Variants in SLC2A9 observed in about 807,000 individuals in gnomAD.
SLC2A9 encodes the protein solute carrier family 2, facilitated glucose transporter member 9.
In SLC2A9, 39 loss-of-function variants were observed where a neutral mutation model predicts 50.6. The observed-to-expected ratio is 0.77, with a 90% confidence interval of 0.60 to 1.01. The LOEUF is 1.01. SLC2A9 is among the 50% of genes least tolerant of loss of function. SLC2A9 has a pLI of 0.00. For synonymous variants in SLC2A9, 324 were observed against 276.9 expected (o/e 1.17, Z -1.69); for missense variants, 686 against 677.6 (o/e 1.01, Z -0.14).
Position 9,987,068 on chromosome 4 carries a change from C to T in SLC2A9, c.411-1275G>A, listed in dbSNP as rs114149118. Among the ~76,000 whole-genome samples the T allele has an allele frequency of 3.6e-3, 552 of 152,272 alleles. 5 individuals are homozygous for T. The highest frequency in any genetic ancestry group is 0.012 in the African/African-American group (497 of 41,562). ...AAAGAGATAGGTACTCTTATAATCTCTATTTTATAAACAAGTTAACTAGGT... is the reference window on the plus strand; with the variant it reads ...AAAGAGATAGGTACTCTTATAATCTTTATTTTATAAACAAGTTAACTAGGT... On this transcript the variant is annotated intron_variant, in intron 3 of 11. Transcript: ENST00000264784.
chr4:9,927,444 T>C (rs1745112432), intron 6 of SLC2A9, among the ~76,000 whole-genome samples: 1 of 152,194 alleles, frequency 6.6e-6, no homozygotes, highest in South Asian at 2.1e-4. Context: ...TTCCCTCTTG[T>C]GATCGGGGGC....
Position 9,810,301 on chromosome 4 carries a change from T to C in SLC2A9, n.421-11060A>G, listed in dbSNP as rs187799332. Among the ~76,000 whole-genome samples the C allele has an allele frequency of 2.0e-5, 3 of 152,280 alleles. No homozygotes were observed. In the East Asian group the frequency reaches 5.8e-4, roughly 29 times the overall value. ...TGGTGAAGAGCCTCTTTCTGCTTTA[T>C]GGTTGCCAGCTGTGACTGTGGGCAA... On this transcript the variant is annotated intron_variant and non_coding_transcript_variant, in intron 3 of 3. Coordinates refer to the SLC2A9 transcript ENST00000503280.
intron 5 of SLC2A9, among the ~76,000 whole-genome samples, chr4:9,946,654 A>G (rs1749220050): frequency 6.6e-6 from 1 of 152,198 alleles, no homozygotes; most frequent in African/African-American, 2.4e-5. Flanking sequence ...CTCTTATTCT[A>G]ATAATGGCTT....
At chr4:9,846,255 G>A (rs545215519) in intron 10 of SLC2A9, among the ~76,000 whole-genome samples, 1 of 152,314 alleles carries the variant, frequency 6.6e-6, no homozygotes, top group African/African-American at 2.4e-5. Flanking sequence ...CATGACAACA[G>A]CCAAGATATA....
chr4:9,838,918 A>C (rs1358801882), intron 10 of SLC2A9, among the ~76,000 whole-genome samples: 2 of 152,228 alleles, frequency 1.3e-5, no homozygotes, highest in African/African-American at 4.8e-5. Flanking sequence ...CAACCTAGGC[A>C]ATACCATTCG....
At chr4:9,859,547 G>C (rs1024335687) in intron 10 of SLC2A9, among the ~76,000 whole-genome samples, 1 of 152,254 alleles carries the variant, frequency 6.6e-6, no homozygotes, top group Non-Finnish European at 1.5e-5. Context: ...GGCCAAGTGA[G>C]GGAGCATAGA....
At chr4:9,955,208 G>GTCAAAGTTCAAACCGTGCACTTGATCTC (rs1260621382) in intron 5 of SLC2A9, among the ~76,000 whole-genome samples, 2 of 111,376 alleles carry the variant, frequency 1.8e-5, no homozygotes, top group Non-Finnish European at 1.8e-5. Context: ...AAAACTCCAA[G>GTCAAAGTTCAAACCGTGCACTTGATCTC]TCGGCCGGGC....
chr4:10,025,155 T>TTA (rs1763708941), upstream of SLC2A9, among the ~76,000 whole-genome samples: 1 of 150,966 alleles, frequency 6.6e-6, no homozygotes, highest in Non-Finnish European at 1.5e-5. Context: ...TACAGGTTTA[T>TTA]TATAAATACA....
At chr4:10,032,439 C>G (rs1230082800) in intron 1 of SLC2A9, among the ~76,000 whole-genome samples, 1 of 151,908 alleles carries the variant, frequency 6.6e-6, no homozygotes, top group Non-Finnish European at 1.5e-5. Flanking sequence ...AGCCTAAGAG[C>G]CATGGGAAAT....
Position 9,952,483 on chromosome 4 carries a change from G to A in SLC2A9, c.682-10438C>T, listed in dbSNP as rs191252509. On this transcript the variant is annotated intron_variant, in intron 5 of 11. Transcript: ENST00000264784. Reference sequence around the variant, plus strand: ...ATGCATGTACAGTCTGCAGAACCATGAGCCAATTAAACCTCTTTTCTTTAT... The same window carrying A: ...ATGCATGTACAGTCTGCAGAACCATAAGCCAATTAAACCTCTTTTCTTTAT... 3.9e-5 allele frequency among the ~76,000 whole-genome samples: 6 copies of A among 151,982 alleles called. No homozygotes were observed. The East Asian group carries it at 1.2e-3, about 29-fold the overall frequency.
At chr4:9,833,687 G>T (rs1335014048) in intron 11 of SLC2A9, among the ~76,000 whole-genome samples, 1 of 152,210 alleles carries the variant, frequency 6.6e-6, no homozygotes, top group African/African-American at 2.4e-5. Context: ...AGAATCTCTG[G>T]GATGTGTTGG....
intron 5 of SLC2A9, among the ~76,000 whole-genome samples, chr4:9,968,035 G>C (rs1560405270): frequency 6.6e-6 from 1 of 152,094 alleles, no homozygotes; most frequent in Non-Finnish European, 1.5e-5. Context: ...TTATGTTAAA[G>C]CAACAAAGTT....
At chr4:10,038,729 G>A (rs931538802) in intron 1 of SLC2A9, among the ~76,000 whole-genome samples, 1 of 152,092 alleles carries the variant, frequency 6.6e-6, no homozygotes, top group African/African-American at 2.4e-5. Context: ...CAATGACATG[G>A]AGCATGTCTG....
At chr4:9,804,405 G>T (rs188762603) in intron 3 of SLC2A9, among the ~76,000 whole-genome samples, 3 of 151,930 alleles carry the variant, frequency 2.0e-5, no homozygotes, top group Non-Finnish European at 4.4e-5. Flanking sequence ...TTTGACTTTT[G>T]TTCCTCACTT....
chr4:10,013,090 G>A lies in SLC2A9; in HGVS notation c.249+5885C>T, dbSNP rs147716199. Among the ~76,000 whole-genome samples, 237 of 152,286 alleles carry A rather than the reference G, an allele frequency of 1.6e-3. 1 individual carries two copies. Among genetic ancestry groups the A allele is most frequent in the African/African-American group, 5.6e-3 (233 of 41,564 alleles). On this transcript the variant is annotated intron_variant, in intron 2 of 11. Transcript: ENST00000264784. Reference sequence around the variant, plus strand: ...TGTGGTGTTCATCTTGGTGATCAACGCACCAGCACAGCACAGATAACCCTG... The same window carrying A: ...TGTGGTGTTCATCTTGGTGATCAACACACCAGCACAGCACAGATAACCCTG...
chr4:9,987,684 A>G (rs2109172965), intron 3 of SLC2A9, among the ~76,000 whole-genome samples: 1 of 152,270 alleles, frequency 6.6e-6, no homozygotes, highest in Non-Finnish European at 1.5e-5. Flanking sequence ...TACTCATTAT[A>G]TAAAAATATA....
chr4:9,885,085 A>G (rs1042946953), intron 10 of SLC2A9, among the ~76,000 whole-genome samples: 2 of 152,156 alleles, frequency 1.3e-5, no homozygotes, highest in African/African-American at 4.8e-5. Flanking sequence ...TTAATACCTT[A>G]ATTGCTGTCG....
chr4:9,961,358 G>C (rs1752243326), intron 5 of SLC2A9, among the ~76,000 whole-genome samples: 2 of 152,264 alleles, frequency 1.3e-5, no homozygotes, highest in South Asian at 4.1e-4. Flanking sequence ...TACAAAAACA[G>C]ACATATAGAC....
chr4:9,963,931 C>T (rs374848498), intron 5 of SLC2A9, among the ~76,000 whole-genome samples: 1 of 152,130 alleles, frequency 6.6e-6, no homozygotes, highest in Non-Finnish European at 1.5e-5. Flanking sequence ...ACCCAACACG[C>T]TTGTTAATTC....
Sources: allele counts gnomAD v4.1 joint callset (sites outside exome capture counted in the v4.1 genomes callset), GRCh38; gene constraint gnomAD v4.1.1; transcripts MANE v1.5; gene names NCBI Gene and HGNC (gene_info 2026-07-23, HGNC 2026-07-21).